Variants in PFKL observed in about 807,000 individuals in gnomAD.
PFKL encodes the protein phosphofructokinase, liver type, also known as ATP-dependent 6-phosphofructokinase, liver type.
PFKL carries 74 observed loss-of-function variants against 92.1 expected under a neutral mutation model. The observed-to-expected ratio is 0.80, with a 90% CI of 0.67 to 0.97. PFKL has a LOEUF of 0.97. Among genes scored for constraint, PFKL ranks in the 50% least tolerant of loss-of-function variants. PFKL has a pLI of 0.00. For missense variants in PFKL, 1,028 were observed against 1,116.6 expected (o/e 0.92, Z 1.13); for synonymous variants, 494 against 456.4 (o/e 1.08, Z -1.05).
intron 1 of PFKL, chr21:44,305,236 C>T (rs916772531): frequency 1.7e-5 from 22 of 1,294,618 alleles, no homozygotes; most frequent in Admixed American, 4.5e-5. Flanking sequence ...AACAGTGTGC[C>T]GATCCCTGGG....
At chr21:44,312,060 T>G in intron 3 of PFKL, 45 bp from the exon 4 acceptor site, 2 of 1,369,386 alleles carry the variant, frequency 1.5e-6, no homozygotes, top group South Asian at 3.4e-5. Flanking sequence ...AGGGGCTGTC[T>G]GCCGCCTGCC....
intron 16 of PFKL, 34 bp from the exon 17 acceptor site, chr21:44,324,457 C>T (rs370699476): frequency 4.1e-5 from 66 of 1,608,584 alleles, no homozygotes; most frequent in Non-Finnish European, 5.0e-5. Flanking sequence ...AGGGTGGGCA[C>T]GTGGAGGACC....
intron 18 of PFKL, 116 bp downstream of exon 18, chr21:44,325,033 G>A: frequency 8.2e-7 from 1 of 1,213,700 alleles, no homozygotes; most frequent in South Asian, 1.3e-5. Context: ...GAGAGGGTGG[G>A]CCAGGGCGGC....
At chr21:44,323,239 G>A (rs979739281) in intron 15 of PFKL, among the ~76,000 whole-genome samples, 190 bp downstream of exon 15, 8 of 152,096 alleles carry the variant, frequency 5.3e-5, no homozygotes, top group Admixed American at 3.9e-4. Context: ...TGCAGGGGCC[G>A]AGAGGGTTGG....
intron 1 of PFKL, among the ~76,000 whole-genome samples, chr21:44,303,193 AC>A (rs1044509173): frequency 6.6e-6 from 1 of 151,788 alleles, no homozygotes; most frequent in African/African-American, 2.4e-5. Flanking sequence ...AGATCGAGCC[AC>A]GGCACTCTAG....
chr21:44,321,597 G>A (rs1366372681), intron 12 of PFKL, 132 bp from the exon 13 acceptor site: 3 of 840,436 alleles, frequency 3.6e-6, no homozygotes, highest in East Asian at 3.0e-5. Context: ...TGGGCGGTGT[G>A]CTGGGCAGCG....
Position 44,323,884 on chromosome 21 carries a change from T to A in PFKL, c.1616T>A (p.Leu539Gln). 8 of 1,613,552 alleles carry A rather than the reference T, an allele frequency of 5.0e-6. No individual in the cohort carries two copies. The highest frequency in any genetic ancestry group is 6.8e-6 in the Non-Finnish European group (8 of 1,179,958). ...AACGTCCCTGGCACCGACTTCAGCC[T>A]GGGCTCCGACACTGCTGTAAATGCC... Reference protein sequence around the residue: ...SNNVPGTDFSLGSDTAVNAAM... With the variant: ...SNNVPGTDFSQGSDTAVNAAM... Residue 539 changes from leucine (L) to glutamine (Q), a missense_variant, in exon 16 of 22, where the codon CTG becomes CAG. Leu to Gln is a moderately radical substitution (Grantham distance 113, BLOSUM62 -2). Transcript: ENST00000349048.
intron 13 of PFKL, 98 bp downstream of exon 13, chr21:44,321,973 A>T (rs943273890): frequency 2.7e-6 from 4 of 1,467,798 alleles, no homozygotes; most frequent in Non-Finnish European, 3.7e-6. Context: ...GTGGAGGCTG[A>T]GACCTGGGTC....
intron 1 of PFKL, among the ~76,000 whole-genome samples, chr21:44,300,688 T>C (rs56295824): frequency 3.3e-5 from 5 of 152,056 alleles, no homozygotes; most frequent in Admixed American, 6.5e-5. Flanking sequence ...GCCGCCTTCC[T>C]TGTGGGTCTA....
At chr21:44,317,228 C>T (rs2047231885) in intron 9 of PFKL, among the ~76,000 whole-genome samples, 1 of 152,240 alleles carries the variant, frequency 6.6e-6, no homozygotes. Flanking sequence ...CAGAGACTGT[C>T]AGACAGGTGG....
Position 44,319,702 on chromosome 21 carries a change from C to T in PFKL, c.1127+287C>T, listed in dbSNP as rs188068991. 8.2e-4 allele frequency: 441 copies of T among 540,284 alleles called. 4 individuals are homozygous for T. The East Asian group carries it at 0.013, about 16-fold the overall frequency. The allele number at this position is 540,284 out of a possible 1,614,324, so 33.5% of individuals were successfully genotyped here. On this transcript the variant is annotated intron_variant, in intron 11 of 21. Coordinates refer to ENST00000349048, the MANE Select transcript of PFKL (RefSeq NM_002626.6). ...ACAAGCCCAGGACATGGGGTGGCCC[C>T]GCGGGGGCTGGGAAGGCTGGCAGAT...
chr21:44,316,192 C>T (rs747054123), intron 7 of PFKL, 52 bp from the exon 8 acceptor site: 39 of 1,562,482 alleles, frequency 2.5e-5, no homozygotes, highest in East Asian at 1.8e-4. Context: ...GGGCTGTGTC[C>T]GGGGCAGGTT....
chr21:44,302,941 A>G (rs903393623), intron 1 of PFKL, among the ~76,000 whole-genome samples: 1 of 152,154 alleles, frequency 6.6e-6, no homozygotes, highest in Non-Finnish European at 1.5e-5. Flanking sequence ...TAGCTAGAAG[A>G]CTTGAAACAG....
At chr21:44,322,070 A>G in intron 13 of PFKL, 63 bp from the exon 14 acceptor site, 1 of 1,536,412 alleles carries the variant, frequency 6.5e-7, no homozygotes, top group Non-Finnish European at 8.8e-7. Context: ...GCACAGGCCC[A>G]CCCCTGGGGG....
At chr21:44,301,482 C>T (rs942017422) in intron 1 of PFKL, among the ~76,000 whole-genome samples, 2 of 152,146 alleles carry the variant, frequency 1.3e-5, no homozygotes, top group Non-Finnish European at 2.9e-5. Flanking sequence ...TGTCTTTTTG[C>T]ACAATAACCT....
chr21:44,323,111 C>T (rs902150227), intron 15 of PFKL, 62 bp downstream of exon 15: 53 of 1,347,010 alleles, frequency 3.9e-5, no homozygotes, highest in East Asian at 1.6e-4. Context: ...GTCCTCCCGC[C>T]GAGGGGGCCC....
At chr21:44,306,831 G>C in intron 2 of PFKL, 77 bp downstream of exon 2, 2 of 1,283,962 alleles carry the variant, frequency 1.6e-6, no homozygotes, top group Non-Finnish European at 2.2e-6. Context: ...TTCTGTGTGG[G>C]TCACACTGGG....
rs2047064273 is a variant in PFKL, at chr21:44,312,161, C to G, written c.294C>G (p.Arg98=). ...AGGCCTTTACCACCAGGGAGGGGCG[C>G]CGGGCAGCGGCCTACAACCTGGTCC... The part of the protein sequence containing the change: ...RCKAFTTREG[R]RAAAYNLVQH... Residue 98 remains arginine (R), a synonymous_variant, in exon 4 of 22, where the codon CGC becomes CGG. Transcript: ENST00000349048. The G allele has an allele frequency of 1.3e-6, 2 of 1,593,800 alleles. No individual in the cohort carries two copies. The highest frequency in any genetic ancestry group is 8.5e-7 in the Non-Finnish European group (1 of 1,170,758).
At chr21:44,321,908 T>A in intron 13 of PFKL, 33 bp downstream of exon 13, 1 of 1,514,078 alleles carries the variant, frequency 6.6e-7, no homozygotes, top group Non-Finnish European at 8.9e-7. Context: ...AGTGAGGACT[T>A]GGGCCTTCTG....
Sources: gnomAD v4.1 joint callset for allele counts (sites outside exome capture counted in the v4.1 genomes callset) on GRCh38, gnomAD v4.1.1 for gene constraint, MANE v1.5 for transcripts, NCBI Gene and HGNC (gene_info 2026-07-23, HGNC 2026-07-21) for gene names.